HS3ST4: variants seen among roughly 807,000 people sequenced by gnomAD.
The protein encoded by HS3ST4 is heparan sulfate glucosamine 3-O-sulfotransferase 4.
Under a neutral mutation model 29.2 loss-of-function variants are expected in HS3ST4, and 17 were observed. The ratio of observed to expected loss-of-function variants is 0.58; its 90% CI spans 0.40 to 0.87. The LOEUF (loss-of-function observed/expected upper bound fraction) is 0.87, where lower values mean the gene tolerates loss of function less well. HS3ST4 is among the 40% of genes least tolerant of loss of function. HS3ST4 has a pLI of 0.00. For synonymous variants in HS3ST4, 314 were observed against 285.7 expected (o/e 1.10, Z -1.00); for missense variants, 627 against 634.5 (o/e 0.99, Z 0.13).
At chr16:25,873,560 A>T (rs1413119580) in intron 1 of HS3ST4, among the ~76,000 whole-genome samples, 2 of 126,598 alleles carry the variant, frequency 1.6e-5, no homozygotes, top group Admixed American at 7.9e-5. Flanking sequence ...ATCTGTCTAT[A>T]CATCCATCCA....
chr16:26,035,397 CT>C (rs1438949665), intron 1 of HS3ST4, among the ~76,000 whole-genome samples: 1 of 152,226 alleles, frequency 6.6e-6, no homozygotes, highest in African/African-American at 2.4e-5. Context: ...CCAACTGCCT[CT>C]AAATACTTCC....
At chr16:25,869,873 T>C (rs4467079) in intron 1 of HS3ST4, among the ~76,000 whole-genome samples, 9,394 of 152,254 alleles carry the variant, frequency 0.062, 384 homozygotes, top group Non-Finnish European at 0.095. Flanking sequence ...ACTATAACCA[T>C]ATTGTTATCT....
intron 1 of HS3ST4, among the ~76,000 whole-genome samples, chr16:25,990,668 T>C (rs113489699): frequency 0.12 from 17,825 of 152,190 alleles, 1,165 homozygotes; most frequent in South Asian, 0.17. Context: ...ATTATTCCCA[T>C]TTTGCAGATA....
Position 26,052,576 on chromosome 16 carries a change from G to T in HS3ST4, c.735-83036G>T, listed in dbSNP as rs151189811. On this transcript the variant is annotated intron_variant, in intron 1 of 1. Transcript: ENST00000331351. ...AGTAAAGATGAGGTTTCACCATGTTGGCCAGGCTGGTCTTGAACTCTTGAC... is the reference window on the plus strand; with the variant it reads ...AGTAAAGATGAGGTTTCACCATGTTTGCCAGGCTGGTCTTGAACTCTTGAC... Among the ~76,000 whole-genome samples the T allele has an allele frequency of 8.7e-3, 1,321 of 152,214 alleles. 24 individuals carry two copies. The highest frequency in any genetic ancestry group is 0.03 in the African/African-American group (1,241 of 41,510).
intron 1 of HS3ST4, among the ~76,000 whole-genome samples, chr16:25,765,681 G>A (rs1334300375): frequency 6.6e-6 from 1 of 152,148 alleles, no homozygotes; most frequent in Non-Finnish European, 1.5e-5. Context: ...AGTCCCAGGG[G>A]AGCACCCTCA....
chr16:26,136,337 G>T lies in HS3ST4; in HGVS notation c.*89G>T. 2 of 1,249,998 alleles carry T rather than the reference G, an allele frequency of 1.6e-6. No individual in the cohort carries two copies. Among genetic ancestry groups the T allele is most frequent in the Non-Finnish European group, 1.1e-6 (1 of 917,592 alleles). 77.4% of individuals were successfully genotyped at this position (1,249,998 alleles called of 1,614,324 possible). On this transcript the variant is annotated 3_prime_UTR_variant, in exon 2 of 2. Transcript: ENST00000331351. ...TACCCCAGCTTCTGCAGCTTCACTT[G>T]CTGGAGTGCCAAGTAGATCTCCTCC...
chr16:25,968,960 C>A (rs1968870888), intron 1 of HS3ST4, among the ~76,000 whole-genome samples: 1 of 152,156 alleles, frequency 6.6e-6, no homozygotes, highest in Non-Finnish European at 1.5e-5. Context: ...GCTGGGATTA[C>A]AGGTGCATGC....
intron 1 of HS3ST4, among the ~76,000 whole-genome samples, chr16:26,123,862 C>A (rs1486513500): frequency 6.6e-6 from 1 of 152,114 alleles, no homozygotes; most frequent in Non-Finnish European, 1.5e-5. Context: ...CTTTTTATGT[C>A]TGCATAGTAT....
At chr16:26,043,072 T>G (rs1378221048) in intron 1 of HS3ST4, among the ~76,000 whole-genome samples, 1 of 152,206 alleles carries the variant, frequency 6.6e-6, no homozygotes, top group Non-Finnish European at 1.5e-5. Context: ...AGCACTTTTA[T>G]GTTAAAATGG....
chr16:25,959,325 A>G (rs1968770542), intron 1 of HS3ST4, among the ~76,000 whole-genome samples: 2 of 152,218 alleles, frequency 1.3e-5, no homozygotes, highest in South Asian at 4.1e-4. Flanking sequence ...CAGAAATCCT[A>G]TCTATAGGAA....
At chr16:25,884,266 ATGC>A (rs1377284714) in intron 1 of HS3ST4, among the ~76,000 whole-genome samples, 1 of 152,234 alleles carries the variant, frequency 6.6e-6, no homozygotes, top group African/African-American at 2.4e-5. Context: ...GCTATTGTAC[ATGC>A]TGTCACTTTA....
At chr16:25,812,413 GCCGTTT>G (rs1440651791) in intron 1 of HS3ST4, among the ~76,000 whole-genome samples, 1 of 152,120 alleles carries the variant, frequency 6.6e-6, no homozygotes, top group Admixed American at 6.5e-5. Context: ...TATCTTCTCT[GCCGTTT>G]CCCTTTCAAG....
chr16:25,713,100 G>T (rs1310422316), intron 1 of HS3ST4, among the ~76,000 whole-genome samples: 1 of 151,798 alleles, frequency 6.6e-6, no homozygotes, highest in Non-Finnish European at 1.5e-5. Flanking sequence ...ACACATGCAG[G>T]TTTGTTACAT....
chr16:25,713,622 G>A (rs1291873145), intron 1 of HS3ST4, among the ~76,000 whole-genome samples: 1 of 152,168 alleles, frequency 6.6e-6, no homozygotes, highest in Non-Finnish European at 1.5e-5. Context: ...GGGTTCCAAG[G>A]AATGGGCCAG....
intron 1 of HS3ST4, among the ~76,000 whole-genome samples, chr16:25,743,755 C>T (rs182302839): frequency 1.3e-5 from 2 of 152,300 alleles, no homozygotes; most frequent in East Asian, 3.9e-4. Context: ...ACCTGCCCAC[C>T]TCGGCCTCCC....
chr16:25,801,814 C>T (rs547996467), intron 1 of HS3ST4, among the ~76,000 whole-genome samples: 1 of 152,000 alleles, frequency 6.6e-6, no homozygotes, highest in East Asian at 1.9e-4. Context: ...TTTTTACAAC[C>T]TATCATATAA....
chr16:25,733,427 C>T (rs1341813946), intron 1 of HS3ST4, among the ~76,000 whole-genome samples: 2 of 152,152 alleles, frequency 1.3e-5, no homozygotes, highest in African/African-American at 4.8e-5. Context: ...TGGCCACATT[C>T]ACCTGAGCAT....
intron 1 of HS3ST4, among the ~76,000 whole-genome samples, chr16:25,941,241 C>T (rs142614652): frequency 4.0e-4 from 61 of 152,276 alleles, no homozygotes; most frequent in African/African-American, 1.3e-3. Flanking sequence ...TCTCAGCTTA[C>T]CACAACCTTT....
At chr16:25,933,255 C>A (rs1356879186) in intron 1 of HS3ST4, 4 of 440,396 alleles carry the variant, frequency 9.1e-6, no homozygotes, top group Non-Finnish European at 1.8e-5. Flanking sequence ...GGCTCTTCAC[C>A]ACAGCCATTA....
Sources: gnomAD v4.1 joint callset for allele counts (sites outside exome capture counted in the v4.1 genomes callset) on GRCh38, gnomAD v4.1.1 for gene constraint, MANE v1.5 for transcripts, NCBI Gene and HGNC (gene_info 2026-07-23, HGNC 2026-07-21) for gene names.